Variants in PRKD1 observed in about 807,000 individuals in gnomAD.
PRKD1 encodes the protein serine/threonine-protein kinase D1.
PRKD1 carries 63 observed loss-of-function variants against 95.9 expected under a neutral mutation model. The observed-to-expected ratio is 0.66, with a 90% CI of 0.54 to 0.81. The LOEUF is 0.81. Ranked by LOEUF, PRKD1 falls within the 30% of genes least tolerant of loss-of-function variation. The pLI, the probability that PRKD1 is intolerant of heterozygous loss-of-function variation, is 0.00. For missense variants in PRKD1, 1,048 were observed against 1,165.3 expected, an observed-to-expected ratio of 0.90 and a Z score of 1.47; for synonymous variants, 425 against 423.1, an observed-to-expected ratio of 1.00 and a Z score of -0.05.
At chr14:29,815,081 T>C (rs1401126228) in intron 1 of PRKD1, among the ~76,000 whole-genome samples, 2 of 152,196 alleles carry the variant, frequency 1.3e-5, no homozygotes, top group Non-Finnish European at 2.9e-5. Context: ...TCAGATCTAT[T>C]TGAGAGGTTT....
intron 1 of PRKD1, among the ~76,000 whole-genome samples, chr14:29,851,698 G>C (rs1013430449): frequency 6.6e-6 from 1 of 152,100 alleles, no homozygotes; most frequent in Non-Finnish European, 1.5e-5. Flanking sequence ...ACTAAAAATA[G>C]AACTATCACT....
At chr14:29,916,294 G>C (rs906800627) in intron 1 of PRKD1, among the ~76,000 whole-genome samples, 19 of 152,190 alleles carry the variant, frequency 1.2e-4, no homozygotes, top group African/African-American at 4.6e-4. Context: ...CAACCTCCAA[G>C]ATCTCTTTCC....
intron 1 of PRKD1, among the ~76,000 whole-genome samples, chr14:29,754,389 GTT>G (rs1032870503): frequency 1.8e-4 from 28 of 152,090 alleles, no homozygotes; most frequent in African/African-American, 6.3e-4. Flanking sequence ...TACAAAGTTT[GTT>G]TAATATGGCC....
At chr14:29,791,957 G>C (rs150397707) in intron 1 of PRKD1, among the ~76,000 whole-genome samples, 1 of 152,186 alleles carries the variant, frequency 6.6e-6, no homozygotes, top group Non-Finnish European at 1.5e-5. Context: ...GTTCTCACCA[G>C]CAGTGTATGA....
chr14:29,608,017 A>C (rs775401126), intron 13 of PRKD1, among the ~76,000 whole-genome samples: 2 of 152,158 alleles, frequency 1.3e-5, no homozygotes, highest in African/African-American at 2.4e-5. Context: ...CAACTGTAAT[A>C]AGATTTATTT....
intron 1 of PRKD1, among the ~76,000 whole-genome samples, chr14:29,876,024 G>A (rs1893273468): frequency 6.6e-6 from 1 of 152,146 alleles, no homozygotes; most frequent in Non-Finnish European, 1.5e-5. Flanking sequence ...AGAACCAAGA[G>A]ATACATACCA....
intron 13 of PRKD1, among the ~76,000 whole-genome samples, chr14:29,613,321 A>G (rs1878611204): frequency 6.6e-6 from 1 of 152,308 alleles, no homozygotes; most frequent in Non-Finnish European, 1.5e-5. Context: ...GTGCACACTT[A>G]GCAACATTAT....
rs763957772 is a variant in PRKD1 at position 29,597,649 on chromosome 14, C to T, written c.2276G>A (p.Gly759Asp). 3 of 1,614,034 alleles carry T rather than the reference C, an allele frequency of 1.9e-6. No individual in the cohort carries two copies. Residue 759 changes from glycine to aspartate, a missense_variant, in exon 16 of 18, where the codon GGC (glycine) becomes GAC (aspartate). This residue lies in a region of PRKD1 where 739 missense variants were observed against 861.9 expected (regional missense o/e 0.86). Coordinates refer to ENST00000331968, the MANE Select transcript of PRKD1 (RefSeq NM_002742.3). ...YLAPEVLRNK[G>D]YNRSLDMWSV... ...CCACATGTCTAGAGAGCGATTGTAG[C>T]CCTTGTTCCTTAGGACCTCAGGAGC...
chr14:29,909,228 C>T (rs904946088), intron 1 of PRKD1, among the ~76,000 whole-genome samples: 1 of 152,072 alleles, frequency 6.6e-6, no homozygotes. Flanking sequence ...TCAGCTGTCT[C>T]CCCATGGGGC....
chr14:29,711,696 T>G (rs1417331695), intron 2 of PRKD1, among the ~76,000 whole-genome samples: 1 of 152,098 alleles, frequency 6.6e-6, no homozygotes, highest in African/African-American at 2.4e-5. Flanking sequence ...GACCTAACTG[T>G]CATATGGATC....
intron 1 of PRKD1, among the ~76,000 whole-genome samples, chr14:29,727,469 C>T (rs1409445165): frequency 1.7e-4 from 26 of 151,570 alleles, no homozygotes; most frequent in Admixed American, 4.0e-4. Flanking sequence ...AGTCCTTGCC[C>T]GTGCCTATGT....
intron 2 of PRKD1, among the ~76,000 whole-genome samples, chr14:29,705,311 G>A (rs904935633): frequency 3.3e-5 from 5 of 151,940 alleles, no homozygotes; most frequent in African/African-American, 1.2e-4. Context: ...CTAGGTTGCT[G>A]CAAAAGTAAT....
At chr14:29,596,034 C>T (rs1171499854) in intron 16 of PRKD1, among the ~76,000 whole-genome samples, 1 of 152,166 alleles carries the variant, frequency 6.6e-6, no homozygotes, top group African/African-American at 2.4e-5. Context: ...CTTTGGCACA[C>T]ATGATAGCTC....
At chr14:29,834,250 C>A (rs1475129286) in intron 1 of PRKD1, among the ~76,000 whole-genome samples, 1 of 152,004 alleles carries the variant, frequency 6.6e-6, no homozygotes, top group Non-Finnish European at 1.5e-5. Context: ...TAAGTTCATC[C>A]AGGTTGTGAT....
At chr14:29,919,328 T>G (rs1191889644) in intron 1 of PRKD1, among the ~76,000 whole-genome samples, 1 of 152,246 alleles carries the variant, frequency 6.6e-6, no homozygotes, top group Non-Finnish European at 1.5e-5. Flanking sequence ...GAAATTTGTC[T>G]GAATATGCAT....
Position 29,624,203 on chromosome 14 carries a change from T to A in PRKD1, c.1854A>T (p.Arg618=). 1 of 1,605,638 alleles carries A rather than the reference T, an allele frequency of 6.2e-7. No homozygotes were observed. The highest frequency in any genetic ancestry group is 1.1e-5 in the South Asian group (1 of 89,806). Residue 618 remains arginine, a synonymous_variant, in exon 13 of 18, where the codon CGA becomes CGT. Coordinates refer to ENST00000331968, the MANE Select transcript of PRKD1 (RefSeq NM_002742.3). ...DVAIKIIDKL[R]FPTKQESQLR... Reference sequence around the variant, plus strand: ...GCTGGCTTTCTTGTTTTGTTGGAAATCGTAATTTGTCAATGATTTTAATAG... The same window carrying A: ...GCTGGCTTTCTTGTTTTGTTGGAAAACGTAATTTGTCAATGATTTTAATAG...
At chr14:29,691,065 G>C (rs534565529) in intron 2 of PRKD1, among the ~76,000 whole-genome samples, 3 of 152,096 alleles carry the variant, frequency 2.0e-5, no homozygotes, top group Admixed American at 6.5e-5. Flanking sequence ...TCAAGTACAC[G>C]GTCAATACAC....
Position 29,609,770 on chromosome 14 carries a change from G to T in PRKD1, c.1906-9953C>A, listed in dbSNP as rs1369089330. Among the ~76,000 whole-genome samples, 13 of 145,860 alleles carry T rather than the reference G, an allele frequency of 8.9e-5. No homozygotes were observed. In the Admixed American group the frequency reaches 9.1e-4, roughly 10 times the overall value. On this transcript the variant is annotated intron_variant, in intron 13 of 17. Coordinates refer to ENST00000331968, the MANE Select transcript of PRKD1 (RefSeq NM_002742.3). Reference sequence around the variant, plus strand: ...GACAGGGTTTCACTATGTTACCCAGGCTGGTCTCGAACTCCTGGCCTCAAG... The same window carrying T: ...GACAGGGTTTCACTATGTTACCCAGTCTGGTCTCGAACTCCTGGCCTCAAG...
intron 2 of PRKD1, among the ~76,000 whole-genome samples, chr14:29,689,559 T>C (rs896785638): frequency 4.6e-5 from 7 of 152,182 alleles, no homozygotes. Context: ...TGGAAGACAG[T>C]GTGGTGATTC....
Sources: allele counts gnomAD v4.1 joint callset (sites outside exome capture counted in the v4.1 genomes callset), GRCh38; gene constraint gnomAD v4.1.1; regional missense constraint gnomAD v4.1.1; transcripts MANE v1.5; gene names NCBI Gene and HGNC (gene_info 2026-07-23, HGNC 2026-07-21).